GPR176: variants seen among roughly 807,000 people sequenced by gnomAD.
GPR176 encodes the protein G-protein coupled receptor 176.
In GPR176, 26 loss-of-function variants were observed where a neutral mutation model predicts 35.4. That is an observed-to-expected ratio of 0.74 (90% confidence interval 0.54 to 1.02). The LOEUF (loss-of-function observed/expected upper bound fraction) is 1.02, where lower values mean the gene tolerates loss of function less well. Among genes scored for constraint, GPR176 ranks in the 50% least tolerant of loss-of-function variants. The pLI is 0.00. For synonymous variants in GPR176, 278 were observed against 271.3 expected (o/e 1.02, Z -0.24); for missense variants, 597 against 665.3 (o/e 0.90, Z 1.13).
chr15:39,889,942 T>A (rs1352399465), intron 1 of GPR176, among the ~76,000 whole-genome samples: 1 of 152,146 alleles, frequency 6.6e-6, no homozygotes, highest in Non-Finnish European at 1.5e-5. Context: ...CCAAGGCCTA[T>A]TGCAGAGGTG....
chr15:39,912,159 G>C (rs958345067), intron 1 of GPR176, among the ~76,000 whole-genome samples: 1 of 152,136 alleles, frequency 6.6e-6, no homozygotes, highest in Admixed American at 6.5e-5. Context: ...ATTTTTTTAA[G>C]ATAAAGTTTT....
intron 1 of GPR176, among the ~76,000 whole-genome samples, chr15:39,831,375 T>G (rs944119477): frequency 2.0e-5 from 3 of 152,198 alleles, no homozygotes; most frequent in African/African-American, 7.2e-5. Context: ...TGCCTACATG[T>G]GTCTGTCCAG....
chr15:39,830,267 A>C (rs1272505498), intron 1 of GPR176, among the ~76,000 whole-genome samples: 1 of 152,238 alleles, frequency 6.6e-6, no homozygotes, highest in Non-Finnish European at 1.5e-5. Context: ...ATTAGACTGC[A>C]AGGCTCTGAG....
At chr15:39,845,610 G>A (rs537176695) in intron 1 of GPR176, among the ~76,000 whole-genome samples, 10 of 152,022 alleles carry the variant, frequency 6.6e-5, no homozygotes, top group African/African-American at 9.7e-5. Context: ...ATCTGTTAAC[G>A]CTCCCCTGGT....
chr15:39,813,151 T>C (rs1011812288), intron 1 of GPR176: 14 of 152,246 alleles, frequency 9.2e-5, no homozygotes, highest in African/African-American at 3.4e-4. Context: ...ATTCAATATA[T>C]ATTGCTACAA....
intron 1 of GPR176, among the ~76,000 whole-genome samples, chr15:39,851,907 A>G (rs1183446653): frequency 6.6e-6 from 1 of 152,144 alleles, no homozygotes; most frequent in Non-Finnish European, 1.5e-5. Flanking sequence ...TTTGTCCCTT[A>G]ATTAGACCTT....
chr15:39,854,324 T>C (rs1423587500), intron 1 of GPR176, among the ~76,000 whole-genome samples: 1 of 152,180 alleles, frequency 6.6e-6, no homozygotes, highest in Non-Finnish European at 1.5e-5. Context: ...TGTTTGAGGT[T>C]TGAATCAGCT....
At chr15:39,868,502 T>TGG (rs2031915521) in intron 1 of GPR176, among the ~76,000 whole-genome samples, 1 of 152,156 alleles carries the variant, frequency 6.6e-6, no homozygotes, top group East Asian at 1.9e-4. Context: ...CTTGGGCACA[T>TGG]CTTCCCTGGA....
chr15:39,827,167 G>A (rs1566942766), intron 1 of GPR176, among the ~76,000 whole-genome samples: 1 of 152,164 alleles, frequency 6.6e-6, no homozygotes. Flanking sequence ...AGCTATAGGA[G>A]GAGCATGAAT....
chr15:39,892,435 G>A (rs1420276420), intron 1 of GPR176, among the ~76,000 whole-genome samples: 1 of 152,202 alleles, frequency 6.6e-6, no homozygotes, highest in Non-Finnish European at 1.5e-5. Context: ...TGAACTTAGT[G>A]TTTGCCACTG....
intron 1 of GPR176, among the ~76,000 whole-genome samples, chr15:39,886,003 G>A (rs747916616): frequency 4.6e-5 from 7 of 152,200 alleles, no homozygotes; most frequent in Non-Finnish European, 1.0e-4. Context: ...GGAGGCCAAG[G>A]TGGGTGGATC....
chr15:39,894,276 C>T (rs1274939826), intron 1 of GPR176, among the ~76,000 whole-genome samples: 1 of 112,720 alleles, frequency 8.9e-6, no homozygotes, highest in Admixed American at 8.7e-5. Flanking sequence ...CCCCCCACCT[C>T]CCTCCCGGAC....
intron 1 of GPR176, among the ~76,000 whole-genome samples, chr15:39,822,220 C>G (rs1900321237): frequency 1.3e-5 from 2 of 152,214 alleles, no homozygotes; most frequent in Admixed American, 6.5e-5. Flanking sequence ...CCCAGAAATA[C>G]CCAGCTAAGC....
chr15:39,825,178 G>A (rs1900552578), intron 1 of GPR176, among the ~76,000 whole-genome samples: 1 of 152,118 alleles, frequency 6.6e-6, no homozygotes, highest in South Asian at 2.1e-4. Context: ...CTCCAGTCTG[G>A]GCAACAGAGT....
At chr15:39,876,095 G>A (rs2032235116) in intron 1 of GPR176, among the ~76,000 whole-genome samples, 1 of 151,878 alleles carries the variant, frequency 6.6e-6, no homozygotes, top group Non-Finnish European at 1.5e-5. Context: ...AGACTGCAGT[G>A]AGCCACGATC....
intron 1 of GPR176, among the ~76,000 whole-genome samples, chr15:39,832,503 C>T (rs550579870): frequency 4.0e-4 from 61 of 152,156 alleles, no homozygotes; most frequent in African/African-American, 1.3e-3. Flanking sequence ...ATGTTCCTTC[C>T]GGGGGTTCTA....
intron 1 of GPR176, among the ~76,000 whole-genome samples, chr15:39,824,913 C>G (rs1900523814): frequency 6.6e-6 from 1 of 152,074 alleles, no homozygotes; most frequent in South Asian, 2.1e-4. Flanking sequence ...TTTACTGTTA[C>G]AATGGTTCAG....
rs550326553 is a variant in GPR176, at chr15:39,802,469, T to G, written c.426-215A>C. 9.2e-5 allele frequency among the ~76,000 whole-genome samples: 14 copies of G among 152,250 alleles called. No homozygotes were observed. The East Asian group carries it at 2.7e-3, about 29-fold the overall frequency. ...TCACTAGACCAAAAAATAAAAACCT[T>G]TCCAAAGGAGCAGCAAACCTGTCCT... On this transcript the variant is annotated intron_variant, in intron 2 of 2. Transcript: ENST00000561100.
chr15:39,806,875 T>G (rs1004673914), intron 2 of GPR176, 131 bp downstream of exon 2: 4 of 771,090 alleles, frequency 5.2e-6, no homozygotes, highest in Non-Finnish European at 2.0e-6. Context: ...GCACATTTAT[T>G]CCCTTTCTGT....
Sources: gnomAD v4.1 joint callset for allele counts (sites outside exome capture counted in the v4.1 genomes callset) on GRCh38, gnomAD v4.1.1 for gene constraint, MANE v1.5 for transcripts, NCBI Gene and HGNC (gene_info 2026-07-23, HGNC 2026-07-21) for gene names.